BNC2: variants seen among roughly 807,000 people sequenced by gnomAD.
The protein encoded by BNC2 is basonuclin zinc finger protein 2, also known as zinc finger protein basonuclin-2.
In BNC2, 20 loss-of-function variants were observed where a neutral mutation model predicts 76.3. The ratio of observed to expected loss-of-function variants is 0.26; its 90% CI spans 0.18 to 0.38. The LOEUF is 0.38. Among genes scored for constraint, BNC2 ranks in the 10% least tolerant of loss-of-function variants. The pLI, the probability that BNC2 is intolerant of heterozygous loss-of-function variation, is 1.00. For synonymous variants in BNC2, 582 were observed against 514.8 expected (o/e 1.13, Z -1.77); for missense variants, 1,382 against 1,399.8 (o/e 0.99, Z 0.20).
Position 16,713,937 on chromosome 9 carries a change from T to G in BNC2, c.330+13860A>C, listed in dbSNP as rs1823924741. On this transcript the variant is annotated intron_variant, in intron 3 of 6. Coordinates refer to ENST00000380672, the MANE Select transcript of BNC2 (RefSeq NM_017637.6). ...AAAAAATACAAAAATCACCTAGGCA[T>G]GGTGGCGTGTATCTATATTCCAGGT... 2.6e-5 allele frequency among the ~76,000 whole-genome samples: 4 copies of G among 152,126 alleles called. No homozygotes were observed. In the South Asian group the frequency reaches 8.3e-4, roughly 31 times the overall value.
chr9:16,755,544 T>C (rs549499294), intron 1 of BNC2, among the ~76,000 whole-genome samples: 1 of 152,122 alleles, frequency 6.6e-6, no homozygotes, highest in Non-Finnish European at 1.5e-5. Context: ...CCCCCCATCC[T>C]TTCTTCCCCA....
At chr9:16,734,886 C>A (rs1169912912) in intron 2 of BNC2, among the ~76,000 whole-genome samples, 1 of 152,110 alleles carries the variant, frequency 6.6e-6, no homozygotes, top group Non-Finnish European at 1.5e-5. Context: ...GCACAAACAT[C>A]CTCCATAACT....
chr9:16,500,010 T>C (rs1822485332), intron 5 of BNC2, among the ~76,000 whole-genome samples: 1 of 151,780 alleles, frequency 6.6e-6, no homozygotes, highest in Non-Finnish European at 1.5e-5. Context: ...TGGGGCCCCA[T>C]TTCATAGCTG....
intron 5 of BNC2, among the ~76,000 whole-genome samples, chr9:16,502,522 C>T (rs897379912): frequency 1.3e-4 from 20 of 151,970 alleles, no homozygotes; most frequent in African/African-American, 4.8e-4. Context: ...AGTTTAGACA[C>T]ATTTCCACAC....
rs1420737787 is a variant in BNC2, at chr9:16,765,765, A to T, written c.4-27280T>A. ...AGTCAAAAAACTTACTTCTTAGCAC[A>T]ACAGGGCACTCTCGTAATTTTTTTT... On this transcript the variant is annotated intron_variant, in intron 1 of 6. Coordinates refer to ENST00000380672, the MANE Select transcript of BNC2 (RefSeq NM_017637.6). Among the ~76,000 whole-genome samples, 4 of 151,614 alleles carry T rather than the reference A, an allele frequency of 2.6e-5. No homozygotes were observed. The East Asian group carries it at 7.9e-4, about 30-fold the overall frequency.
intron 5 of BNC2, among the ~76,000 whole-genome samples, chr9:16,493,064 A>G (rs1563808740): frequency 6.6e-6 from 1 of 152,202 alleles, no homozygotes; most frequent in Non-Finnish European, 1.5e-5. Context: ...ATTTTTATTG[A>G]AAAATTTCAT....
intron 3 of BNC2, among the ~76,000 whole-genome samples, chr9:16,713,033 G>A (rs1463211280): frequency 6.6e-6 from 1 of 152,238 alleles, no homozygotes; most frequent in Non-Finnish European, 1.5e-5. Context: ...GAGAAGCAGT[G>A]TACCGTAAGA....
intron 1 of BNC2, among the ~76,000 whole-genome samples, chr9:16,773,864 A>T (rs1326019573): frequency 2.6e-5 from 4 of 152,220 alleles, no homozygotes; most frequent in Admixed American, 1.3e-4. Flanking sequence ...GAATACAAAT[A>T]ATGTGCTTGC....
intron 6 of BNC2, among the ~76,000 whole-genome samples, chr9:16,430,805 C>T (rs13297208): frequency 0.02 from 3,093 of 152,280 alleles, 54 homozygotes; most frequent in Non-Finnish European, 0.034. Context: ...ACATGTCTTC[C>T]GCCATAGGAA....
intron 5 of BNC2, among the ~76,000 whole-genome samples, chr9:16,495,225 T>TCATTGGCTTTCTTGGCCTAACATGAGA (rs1257172538): frequency 5.9e-5 from 9 of 152,172 alleles, no homozygotes; most frequent in African/African-American, 2.2e-4. Flanking sequence ...TAGTTTAACC[T>TCATTGGCTTTCTTGGCCTAACATGAGA]CATTGGCTTT....
At chr9:16,750,294 T>C (rs1048567809) in intron 1 of BNC2, among the ~76,000 whole-genome samples, 6 of 152,208 alleles carry the variant, frequency 3.9e-5, no homozygotes, top group African/African-American at 1.4e-4. Context: ...TTAAAATATT[T>C]CTACCTAAAA....
At chr9:16,640,542 C>T (rs2133844620) in intron 3 of BNC2, among the ~76,000 whole-genome samples, 1 of 152,304 alleles carries the variant, frequency 6.6e-6, no homozygotes, top group South Asian at 2.1e-4. Context: ...TCTTATTGCA[C>T]TTCAACATTT....
chr9:16,598,560 G>T (rs7861648), intron 3 of BNC2, among the ~76,000 whole-genome samples: 1 of 152,238 alleles, frequency 6.6e-6, no homozygotes, highest in Non-Finnish European at 1.5e-5. Context: ...TCACCACTAC[G>T]GGGAAGAGAC....
At chr9:16,531,436 G>T (rs1278611831) in intron 5 of BNC2, among the ~76,000 whole-genome samples, 2 of 151,848 alleles carry the variant, frequency 1.3e-5, no homozygotes, top group African/African-American at 4.8e-5. Flanking sequence ...AGAGGGAGAA[G>T]TTTTTCTTTC....
rs1040262349 is a variant in BNC2 at position 16,700,923 on chromosome 9, T to C, written c.330+26874A>G. ...GGGCCCCTGCACTCTAGCCAGACTC[T>C]GTCTCAAGAATAAATAAATAAATAA... is the stretch of plus-strand genomic sequence containing the variant. On this transcript the variant is annotated intron_variant, in intron 3 of 6. Transcript: ENST00000380672. Among the ~76,000 whole-genome samples the C allele has an allele frequency of 4.6e-5, 7 of 152,288 alleles. No homozygotes were observed. In the South Asian group the frequency reaches 1.5e-3, roughly 32 times the overall value.
intron 1 of BNC2, among the ~76,000 whole-genome samples, chr9:16,828,471 G>A (rs76198652): frequency 6.6e-6 from 1 of 152,148 alleles, no homozygotes; most frequent in Non-Finnish European, 1.5e-5. Flanking sequence ...TAGTTAGGTA[G>A]TATGAAGCCA....
intron 1 of BNC2, among the ~76,000 whole-genome samples, chr9:16,808,557 C>T (rs1291749819): frequency 3.5e-5 from 5 of 142,518 alleles, no homozygotes; most frequent in Non-Finnish European, 7.5e-5. Context: ...GGTGTGACCA[C>T]GGCTCACTGG....
chr9:16,438,432 G>A (rs1280699925), intron 5 of BNC2, among the ~76,000 whole-genome samples: 2 of 152,178 alleles, frequency 1.3e-5, no homozygotes, highest in Admixed American at 1.3e-4. Flanking sequence ...ACTATGTGTT[G>A]TTAAATATAC....
At position 16,773,748 on chromosome 9, in the gene BNC2, G is replaced by C. The variant is rs192399342; in HGVS notation, c.4-35263C>G. On this transcript the variant is annotated intron_variant, in intron 1 of 6. Transcript: ENST00000380672. Reference sequence around the variant, plus strand: ...TACACTGTGTATGGTCTTATCAGCTGCTGGGTGTTGCTGTAGCCTCACCTT... The same window carrying C: ...TACACTGTGTATGGTCTTATCAGCTCCTGGGTGTTGCTGTAGCCTCACCTT... 7.9e-5 allele frequency among the ~76,000 whole-genome samples: 12 copies of C among 152,282 alleles called. No individual in the cohort carries two copies. In the East Asian group the frequency reaches 2.3e-3, roughly 29 times the overall value.
Sources: gnomAD v4.1 joint callset for allele counts (sites outside exome capture counted in the v4.1 genomes callset) on GRCh38, gnomAD v4.1.1 for gene constraint, MANE v1.5 for transcripts, NCBI Gene and HGNC (gene_info 2026-07-23, HGNC 2026-07-21) for gene names.